Variants in CHST9 observed in about 807,000 individuals in gnomAD.
CHST9 encodes carbohydrate sulfotransferase 9.
In CHST9, 41 loss-of-function variants were observed where a neutral mutation model predicts 44.4. That is an observed-to-expected ratio of 0.92 (90% confidence interval 0.72 to 1.20). The LOEUF (loss-of-function observed/expected upper bound fraction) is 1.20. Ranked by LOEUF, CHST9 falls within the 50% of genes most tolerant of loss-of-function variation. The pLI is 0.00. For synonymous variants in CHST9, 171 were observed against 178.4 expected, an observed-to-expected ratio of 0.96 and a Z score of 0.33; for missense variants, 504 against 516.5, an observed-to-expected ratio of 0.98 and a Z score of 0.23.
At chr18:27,127,023 C>A (rs908332455) in intron 2 of CHST9, among the ~76,000 whole-genome samples, 4 of 152,270 alleles carry the variant, frequency 2.6e-5, no homozygotes, top group Non-Finnish European at 5.9e-5. Flanking sequence ...GGAGCCATTG[C>A]ACCACTACTG....
chr18:27,123,284 T>C (rs944698330), intron 2 of CHST9, among the ~76,000 whole-genome samples: 5 of 152,144 alleles, frequency 3.3e-5, no homozygotes, highest in Non-Finnish European at 7.4e-5. Context: ...CATACACCCA[T>C]ACTCTGACAG....
chr18:27,142,806 G>A lies in CHST9; in HGVS notation c.4C>T (p.Gln2Ter). The change falls in exon 2 of 6, where the codon CAG becomes TAG. Residue 2 changes from glutamine to a stop codon, truncating the protein, a stop_gained. Coordinates refer to ENST00000618847, the MANE Select transcript of CHST9 (RefSeq NM_031422.6). LOFTEE classifies it high-confidence loss of function. ...GGGTTCATGACCATTTCAGATGGCT[G>A]CATTTCTCCTTATTTCAGAATCTGA... M[Q>*]PSEMVMNPKQ... is the part of the protein sequence containing the mutation. 6.3e-7 allele frequency: 1 copy of A among 1,599,420 alleles called. No homozygotes were observed. The highest frequency in any genetic ancestry group is 1.2e-5 in the South Asian group (1 of 86,858).
intron 2 of CHST9, among the ~76,000 whole-genome samples, chr18:27,131,274 G>C (rs976647252): frequency 1.3e-5 from 2 of 152,202 alleles, no homozygotes; most frequent in Admixed American, 1.3e-4. Context: ...TCCTGGCCAA[G>C]CGTGGTGGCG....
At chr18:26,977,635 C>CT (rs2056639816) in intron 4 of CHST9, among the ~76,000 whole-genome samples, 1 of 152,080 alleles carries the variant, frequency 6.6e-6, no homozygotes, top group South Asian at 2.1e-4. Context: ...AGAATTGTTC[C>CT]TATGTGCATT....
chr18:27,118,508 G>A (rs1757260325), intron 2 of CHST9, among the ~76,000 whole-genome samples: 1 of 152,156 alleles, frequency 6.6e-6, no homozygotes, highest in Admixed American at 6.5e-5. Context: ...TCAACATCAG[G>A]GATTTAGATA....
At chr18:27,174,902 A>G (rs768681664) in intron 1 of CHST9, among the ~76,000 whole-genome samples, 2 of 152,012 alleles carry the variant, frequency 1.3e-5, no homozygotes, top group Non-Finnish European at 2.9e-5. Flanking sequence ...TTTTTGAGCA[A>G]TTCCTTGCTT....
At chr18:27,092,327 TCTC>T (rs2058077254) in intron 2 of CHST9, among the ~76,000 whole-genome samples, 1 of 152,226 alleles carries the variant, frequency 6.6e-6, no homozygotes. Context: ...ATTTGATTCT[TCTC>T]TGTTTTTTTC....
chr18:26,963,415 T>C (rs2145154474), intron 4 of CHST9, among the ~76,000 whole-genome samples: 1 of 152,124 alleles, frequency 6.6e-6, no homozygotes, highest in Admixed American at 6.5e-5. Context: ...AACATTAATG[T>C]TGGTGCTTAT....
At chr18:27,181,207 G>T (rs1456957067) in intron 1 of CHST9, among the ~76,000 whole-genome samples, 1 of 152,104 alleles carries the variant, frequency 6.6e-6, no homozygotes, top group Non-Finnish European at 1.5e-5. Flanking sequence ...ACAGTCCACA[G>T]AACTAACAAT....
intron 4 of CHST9, among the ~76,000 whole-genome samples, chr18:26,970,926 T>A (rs1371949463): frequency 6.6e-6 from 1 of 152,220 alleles, no homozygotes; most frequent in African/African-American, 2.4e-5. Context: ...GATTGAATGT[T>A]GTTCCTTCTG....
chr18:27,003,945 C>T (rs1364904544), intron 4 of CHST9, among the ~76,000 whole-genome samples: 1 of 151,816 alleles, frequency 6.6e-6, no homozygotes, highest in South Asian at 2.1e-4. Flanking sequence ...CCTCTAGCCT[C>T]AGATAACATG....
intron 4 of CHST9, among the ~76,000 whole-genome samples, chr18:26,966,665 C>T (rs180823520): frequency 2.0e-5 from 3 of 152,116 alleles, no homozygotes; most frequent in Admixed American, 2.0e-4. Context: ...TGGCCACAGA[C>T]CTTTCTGTCA....
intron 4 of CHST9, among the ~76,000 whole-genome samples, chr18:26,978,041 A>G (rs892479215): frequency 6.6e-6 from 1 of 152,146 alleles, no homozygotes; most frequent in African/African-American, 2.4e-5. Context: ...TGTGTAAGAA[A>G]TAAGACATGC....
chr18:26,963,359 A>G (rs538154357), intron 4 of CHST9, among the ~76,000 whole-genome samples: 26 of 152,210 alleles, frequency 1.7e-4, no homozygotes, highest in Admixed American at 1.1e-3. Flanking sequence ...AGGATCTCCA[A>G]ACTCCTAAAC....
intron 2 of CHST9, among the ~76,000 whole-genome samples, chr18:27,110,265 T>A (rs2058259603): frequency 2.6e-5 from 4 of 152,112 alleles, no homozygotes; most frequent in Admixed American, 2.6e-4. Flanking sequence ...TGTTTGACAC[T>A]GTCTAGTATT....
At chr18:26,956,511 CAATT>C (rs2056327735) in intron 4 of CHST9, among the ~76,000 whole-genome samples, 1 of 149,582 alleles carries the variant, frequency 6.7e-6, no homozygotes, top group Non-Finnish European at 1.5e-5. Context: ...TACACACACA[CAATT>C]ATATTATTTT....
intron 4 of CHST9, among the ~76,000 whole-genome samples, chr18:26,994,942 C>T (rs903254901): frequency 5.9e-5 from 9 of 152,002 alleles, no homozygotes; most frequent in African/African-American, 2.2e-4. Flanking sequence ...GACAGGACAT[C>T]AGCTCTAATA....
At chr18:27,081,884 T>C (rs1194634348) in intron 2 of CHST9, among the ~76,000 whole-genome samples, 2 of 152,190 alleles carry the variant, frequency 1.3e-5, no homozygotes, top group Non-Finnish European at 2.9e-5. Context: ...TCCTGCTACA[T>C]GATACTCCTT....
intron 2 of CHST9, among the ~76,000 whole-genome samples, chr18:27,108,828 GT>G (rs1280738426): frequency 6.6e-6 from 1 of 152,256 alleles, no homozygotes; most frequent in South Asian, 2.1e-4. Flanking sequence ...ATTATTCTTT[GT>G]TTTTTGTTTT....
Sources: allele counts gnomAD v4.1 joint callset (sites outside exome capture counted in the v4.1 genomes callset), GRCh38; gene constraint gnomAD v4.1.1; transcripts MANE v1.5; gene names NCBI Gene and HGNC (gene_info 2026-07-23, HGNC 2026-07-21).